Variants in CTNNA3 observed in about 807,000 individuals in gnomAD.
CTNNA3 encodes the protein catenin alpha 3, also known as catenin alpha-3.
A neutral mutation model predicts 95.7 loss-of-function variants in CTNNA3; 76 were observed. The ratio of observed to expected loss-of-function variants is 0.79; its 90% CI spans 0.66 to 0.96. The LOEUF is 0.96. Among genes scored for constraint, CTNNA3 ranks in the 40% least tolerant of loss-of-function variants. CTNNA3 has a pLI of 0.00. For synonymous variants in CTNNA3, 431 were observed against 374.4 expected, an observed-to-expected ratio of 1.15 and a Z score of -1.74; for missense variants, 1,191 against 1,089.8, an observed-to-expected ratio of 1.09 and a Z score of -1.31.
intron 13 of CTNNA3, among the ~76,000 whole-genome samples, chr10:66,235,886 T>C (rs1000034412): frequency 4.6e-5 from 7 of 152,202 alleles, no homozygotes; most frequent in Admixed American, 6.5e-5. Flanking sequence ...ATTGAATAAA[T>C]TGTCCATCTG....
chr10:65,942,906 T>C (rs141763549), intron 17 of CTNNA3, among the ~76,000 whole-genome samples: 2 of 152,094 alleles, frequency 1.3e-5, no homozygotes, highest in African/African-American at 4.8e-5. Context: ...ATTTGCAAAG[T>C]TGTGGTAAAA....
At chr10:66,887,443 A>T (rs1845087725) in intron 7 of CTNNA3, among the ~76,000 whole-genome samples, 1 of 152,156 alleles carries the variant, frequency 6.6e-6, no homozygotes, top group African/African-American at 2.4e-5. Context: ...GAAAAAATGA[A>T]GTTTCATGAT....
At chr10:67,343,008 A>C (rs1475285342) in intron 5 of CTNNA3, among the ~76,000 whole-genome samples, 1 of 152,148 alleles carries the variant, frequency 6.6e-6, no homozygotes, top group Non-Finnish European at 1.5e-5. Flanking sequence ...GCTAGAGTAC[A>C]GTGGCACGAT....
intron 12 of CTNNA3, 55 bp downstream of exon 12, chr10:66,379,097 G>C (rs149970875): frequency 7.3e-7 from 1 of 1,372,562 alleles, no homozygotes; most frequent in African/African-American, 1.4e-5. Context: ...AATATTCGTA[G>C]CTATGTAGAT....
At chr10:66,651,548 G>A (rs1845899502) in intron 9 of CTNNA3, among the ~76,000 whole-genome samples, 1 of 152,104 alleles carries the variant, frequency 6.6e-6, no homozygotes, top group African/African-American at 2.4e-5. Context: ...GCCTTGCGTG[G>A]GGAGGGGGGT....
intron 13 of CTNNA3, among the ~76,000 whole-genome samples, chr10:66,176,724 A>T (rs566707226): frequency 6.6e-6 from 1 of 152,196 alleles, no homozygotes; most frequent in East Asian, 1.9e-4. Flanking sequence ...TCATCTATGA[A>T]CCAGAAAGTA....
At chr10:67,476,682 G>C (rs1589332173) in intron 5 of CTNNA3, among the ~76,000 whole-genome samples, 2 of 150,888 alleles carry the variant, frequency 1.3e-5, no homozygotes, top group Admixed American at 1.3e-4. Context: ...ATCTCCAGGT[G>C]TTTGGAGAAC....
chr10:66,181,397 T>A (rs913901355), intron 13 of CTNNA3, among the ~76,000 whole-genome samples: 4 of 152,176 alleles, frequency 2.6e-5, no homozygotes, highest in African/African-American at 9.7e-5. Context: ...AAACATAACA[T>A]TGTTCACCTT....
At chr10:67,556,766 C>G (rs1400962049) in intron 3 of CTNNA3, among the ~76,000 whole-genome samples, 9 of 152,172 alleles carry the variant, frequency 5.9e-5, no homozygotes, top group African/African-American at 1.7e-4. Flanking sequence ...CAGTTCTGCT[C>G]TGATCTTACT....
At chr10:67,750,229 A>C in intron 1 of CTNNA3, 1 of 1,464,294 alleles carries the variant, frequency 6.8e-7, no homozygotes, top group Non-Finnish European at 9.5e-7. Flanking sequence ...CCAACTCTGG[A>C]CACAGCAGGA....
At chr10:66,519,819 C>T (rs1840993983) in intron 11 of CTNNA3, among the ~76,000 whole-genome samples, 1 of 152,176 alleles carries the variant, frequency 6.6e-6, no homozygotes, top group Admixed American at 6.5e-5. Flanking sequence ...GAGGCTGAGT[C>T]ATGGGTGCGT....
intron 14 of CTNNA3, 52 bp downstream of exon 14, chr10:66,103,105 A>C: frequency 6.9e-7 from 1 of 1,449,706 alleles, no homozygotes; most frequent in South Asian, 1.1e-5. Flanking sequence ...AAGGGAGGGC[A>C]CAGCCTTCAG....
intron 11 of CTNNA3, among the ~76,000 whole-genome samples, chr10:66,443,542 C>A (rs926496744): frequency 9.9e-5 from 15 of 152,176 alleles, no homozygotes; most frequent in African/African-American, 3.4e-4. Flanking sequence ...GCAGCCACCA[C>A]GGCTGACACC....
intron 10 of CTNNA3, among the ~76,000 whole-genome samples, chr10:66,608,480 G>A (rs117789073): frequency 0.024 from 3,626 of 152,058 alleles, 88 homozygotes; most frequent in South Asian, 0.065. Context: ...AAAAGAGCCC[G>A]AATAGCCAAG....
intron 11 of CTNNA3, among the ~76,000 whole-genome samples, chr10:66,405,999 C>T (rs905903314): frequency 2.0e-5 from 3 of 152,118 alleles, no homozygotes; most frequent in African/African-American, 7.2e-5. Context: ...TCTTTAGTTT[C>T]ACTCCACAGT....
At chr10:66,071,870 A>AT (rs1431949862) in intron 14 of CTNNA3, among the ~76,000 whole-genome samples, 4 of 152,160 alleles carry the variant, frequency 2.6e-5, no homozygotes, top group South Asian at 2.1e-4. Context: ...TATTTATAAT[A>AT]TTATCCATTA....
chr10:66,262,732 G>T lies in CTNNA3; in HGVS notation c.1884+17738C>A, dbSNP rs74331588. On this transcript the variant is annotated intron_variant, in intron 13 of 17. Transcript: ENST00000433211. ...TAGAGGGGTAGTGAGGCTAAAATTTGTACTATAAACTGTCCTATATTATTT... is the reference window on the plus strand; with the variant it reads ...TAGAGGGGTAGTGAGGCTAAAATTTTTACTATAAACTGTCCTATATTATTT... Among the ~76,000 whole-genome samples the T allele has an allele frequency of 1.2e-3, 183 of 152,034 alleles. 4 individuals are homozygous for T. In the East Asian group the frequency reaches 0.034, roughly 28 times the overall value.
chr10:66,351,338 G>T (rs1002302058), intron 12 of CTNNA3, among the ~76,000 whole-genome samples: 1 of 151,936 alleles, frequency 6.6e-6, no homozygotes, highest in East Asian at 1.9e-4. Flanking sequence ...TAATTTTTCA[G>T]ATAAGAAGAC....
At chr10:66,310,257 A>C (rs955748510) in intron 12 of CTNNA3, among the ~76,000 whole-genome samples, 23 of 152,202 alleles carry the variant, frequency 1.5e-4, no homozygotes, top group Admixed American at 6.5e-4. Flanking sequence ...CTACTCTGCA[A>C]CATATTTACA....
Sources: allele counts gnomAD v4.1 joint callset (sites outside exome capture counted in the v4.1 genomes callset), GRCh38; gene constraint gnomAD v4.1.1; transcripts MANE v1.5; gene names NCBI Gene and HGNC (gene_info 2026-07-23, HGNC 2026-07-21).